Variants in TENM2 observed in about 807,000 individuals in gnomAD.
TENM2 encodes the protein teneurin-2.
A neutral mutation model predicts 245.2 loss-of-function variants in TENM2; 52 were observed. The observed-to-expected ratio is 0.21, with a 90% confidence interval of 0.17 to 0.27. The LOEUF (loss-of-function observed/expected upper bound fraction) is 0.27, where lower values mean the gene tolerates loss of function less well. Among genes scored for constraint, TENM2 ranks in the 10% least tolerant of loss-of-function variants. TENM2 has a pLI of 1.00. For synonymous variants in TENM2, 1,363 were observed against 1,438.9 expected, an observed-to-expected ratio of 0.95 and a Z score of 1.19; for missense variants, 3,046 against 3,666.8, an observed-to-expected ratio of 0.83 and a Z score of 4.37.
intron 5 of TENM2, among the ~76,000 whole-genome samples, chr5:168,002,955 A>T (rs1217867223): frequency 6.6e-6 from 1 of 152,186 alleles, no homozygotes; most frequent in African/African-American, 2.4e-5. Context: ...CAACAAATGA[A>T]ATAGTACAGT....
At chr5:167,738,399 A>G (rs1198639964) in intron 2 of TENM2, among the ~76,000 whole-genome samples, 1 of 152,154 alleles carries the variant, frequency 6.6e-6, no homozygotes, top group Non-Finnish European at 1.5e-5. Flanking sequence ...ATTTGCTTTT[A>G]GAAGATTTAT....
chr5:168,203,690 G>A (rs1013649387), exon 18 of TENM2: 5 of 1,601,118 alleles, frequency 3.1e-6, no homozygotes, highest in African/African-American at 2.7e-5. Flanking sequence ...ATCTTTCAGT[G>A]TCTGTCGGGT....
chr5:167,699,647 T>C (rs1040848695), intron 2 of TENM2, among the ~76,000 whole-genome samples: 1 of 152,122 alleles, frequency 6.6e-6, no homozygotes, highest in Admixed American at 6.5e-5. Flanking sequence ...CCCTGCTGAG[T>C]TTATGGGGCA....
chr5:166,986,581 C>T, the TENM2 span, among the ~76,000 whole-genome samples: 70 of 152,258 alleles, frequency 4.6e-4, no homozygotes, highest in Admixed American at 1.8e-3. Context: ...TAAAGTCCAT[C>T]CCATTCATAC....
intron 2 of TENM2, among the ~76,000 whole-genome samples, chr5:167,438,506 C>T (rs1305985759): frequency 6.6e-6 from 1 of 152,160 alleles, no homozygotes; most frequent in African/African-American, 2.4e-5. Context: ...ATTCTCCTGC[C>T]TCAGCCTCCC....
chr5:167,477,060 T>C (rs1313930897), intron 2 of TENM2, among the ~76,000 whole-genome samples: 1 of 152,172 alleles, frequency 6.6e-6, no homozygotes, highest in African/African-American at 2.4e-5. Context: ...AAAACAATCA[T>C]ACAAATACTT....
chr5:167,390,387 T>C (rs974811640), intron 2 of TENM2, among the ~76,000 whole-genome samples: 2 of 152,130 alleles, frequency 1.3e-5, no homozygotes, highest in African/African-American at 2.4e-5. Flanking sequence ...GAAAGGAAAT[T>C]CACATCTACT....
chr5:167,990,267 G>A (rs1343875415), intron 4 of TENM2, among the ~76,000 whole-genome samples: 22 of 152,110 alleles, frequency 1.4e-4, no homozygotes, highest in Admixed American at 1.4e-3. Flanking sequence ...AACTCTTCAG[G>A]TGTTTGTTCA....
chr5:167,191,805 C>T, the TENM2 span, among the ~76,000 whole-genome samples: 1 of 151,926 alleles, frequency 6.6e-6, no homozygotes, highest in African/African-American at 2.4e-5. Context: ...GGTGTGCTTA[C>T]AATACAATGA....
chr5:167,512,417 C>T (rs866925735), intron 2 of TENM2, among the ~76,000 whole-genome samples: 1 of 152,162 alleles, frequency 6.6e-6, no homozygotes, highest in Non-Finnish European at 1.5e-5. Context: ...AACACCCTAA[C>T]ACTGATGCTA....
intron 3 of TENM2, among the ~76,000 whole-genome samples, chr5:167,890,615 A>T (rs943957573): frequency 6.6e-6 from 1 of 152,190 alleles, no homozygotes. Context: ...TAACATGCCT[A>T]GTAATACCTA....
chr5:168,064,500 G>A (rs995870543), intron 7 of TENM2, among the ~76,000 whole-genome samples: 3 of 152,174 alleles, frequency 2.0e-5, no homozygotes, highest in African/African-American at 7.2e-5. Flanking sequence ...CTCTGTAACT[G>A]AGTGGTAGTG....
chr5:167,223,034 C>T, the TENM2 span, among the ~76,000 whole-genome samples: 2 of 151,862 alleles, frequency 1.3e-5, no homozygotes, highest in Non-Finnish European at 2.9e-5. Context: ...TTTTTTTATT[C>T]TAAGTAGATT....
intron 2 of TENM2, chr5:167,653,334 A>C (rs1263819968): frequency 6.6e-6 from 1 of 152,150 alleles, no homozygotes; most frequent in African/African-American, 2.4e-5. Flanking sequence ...AGCTCACTGC[A>C]GCATTGAAGT....
At chr5:168,202,337 T>C (rs2152535288) in intron 17 of TENM2, among the ~76,000 whole-genome samples, 1 of 152,182 alleles carries the variant, frequency 6.6e-6, no homozygotes, top group Middle Eastern at 3.4e-3. Context: ...TTAATGTTTC[T>C]TAAATACCAT....
chr5:167,260,572 C>T, the TENM2 span, among the ~76,000 whole-genome samples: 1 of 152,182 alleles, frequency 6.6e-6, no homozygotes, highest in Admixed American at 6.5e-5. Flanking sequence ...ATTTAAATGT[C>T]TTCTAGCTTC....
At chr5:167,573,032 A>T (rs1227354926) in intron 2 of TENM2, among the ~76,000 whole-genome samples, 4 of 152,086 alleles carry the variant, frequency 2.6e-5, no homozygotes, top group African/African-American at 9.6e-5. Flanking sequence ...TTGAACTAGG[A>T]AACACAGGTT....
intron 2 of TENM2, among the ~76,000 whole-genome samples, chr5:167,724,647 G>A (rs1363066547): frequency 2.0e-5 from 3 of 152,116 alleles, no homozygotes; most frequent in Non-Finnish European, 4.4e-5. Flanking sequence ...GAAGAGATAG[G>A]AACACCACTT....
chr5:167,923,631 C>T (rs561612544), intron 3 of TENM2, among the ~76,000 whole-genome samples: 1 of 152,242 alleles, frequency 6.6e-6, no homozygotes, highest in South Asian at 2.1e-4. Flanking sequence ...ATGAATGCCA[C>T]ATGTATTAGC....
Sources: allele counts gnomAD v4.1 joint callset (sites outside exome capture counted in the v4.1 genomes callset), GRCh38; gene constraint gnomAD v4.1.1; transcripts MANE v1.5; gene names NCBI Gene and HGNC (gene_info 2026-07-23, HGNC 2026-07-21).